The following ANOS1 variants were observed in gnomAD, a reference collection of about 807,000 sequenced individuals.
ANOS1 encodes anosmin 1, also known as anosmin-1.
A neutral mutation model predicts 59.0 loss-of-function variants in ANOS1; 6 were observed. The ratio of observed to expected loss-of-function variants is 0.10; its 90% CI spans 0.06 to 0.20. ANOS1 has a LOEUF of 0.20. Among genes scored for constraint, ANOS1 ranks in the 10% least tolerant of loss-of-function variants. The pLI, the probability that ANOS1 is intolerant of heterozygous loss-of-function variation, is 1.00. For synonymous variants in ANOS1, 217 were observed against 223.4 expected, an observed-to-expected ratio of 0.97 and a Z score of 0.25; for missense variants, 433 against 542.3, an observed-to-expected ratio of 0.80 and a Z score of 2.00.
At chrX:8,683,897 G>A (rs757408922) in intron 2 of ANOS1, among the ~76,000 whole-genome samples, 3 of 111,567 alleles carry the variant, frequency 2.7e-5, no homozygotes, top group Non-Finnish European at 3.8e-5. Context: ...GTTTCAGCAC[G>A]GTGCACGCAA....
chrX:8,694,267 C>T (rs1932651048), intron 2 of ANOS1, among the ~76,000 whole-genome samples: 1 of 111,879 alleles, frequency 8.9e-6, no homozygotes, highest in African/African-American at 3.3e-5. Flanking sequence ...AATAAAAGGG[C>T]TGAACAGCCA....
intron 2 of ANOS1, among the ~76,000 whole-genome samples, chrX:8,626,152 T>G: frequency 1.0e-5 from 1 of 98,090 alleles, no homozygotes; most frequent in African/African-American, 3.7e-5. Flanking sequence ...TGCCACCAAA[T>G]TTGATGTTTG....
intron 8 of ANOS1, chrX:8,566,219 G>C: frequency 1.3e-6 from 1 of 749,581 alleles, no homozygotes; most frequent in Non-Finnish European, 1.6e-6. Flanking sequence ...CTGTCTGTAT[G>C]CAACACACAG....
intron 3 of ANOS1, among the ~76,000 whole-genome samples, chrX:8,604,513 A>G (rs1174581292): frequency 8.9e-6 from 1 of 112,218 alleles, no homozygotes; most frequent in Non-Finnish European, 1.9e-5. Context: ...GGTGATTTCA[A>G]ATTTCTTTCT....
chrX:8,699,529 A>G (rs758507509), intron 2 of ANOS1, among the ~76,000 whole-genome samples, 169 bp downstream of exon 2: 48 of 112,336 alleles, frequency 4.3e-4, no homozygotes, highest in African/African-American at 1.3e-3. Flanking sequence ...CATTGCATGC[A>G]TATCAATTTT....
intron 2 of ANOS1, among the ~76,000 whole-genome samples, chrX:8,674,847 T>C (rs757185740): frequency 8.9e-6 from 1 of 112,002 alleles, no homozygotes; most frequent in Non-Finnish European, 1.9e-5. Flanking sequence ...ACCCCTAAAA[T>C]GTGGGGGACC....
chrX:8,644,142 G>T (rs1001645894), intron 2 of ANOS1, among the ~76,000 whole-genome samples: 1 of 111,538 alleles, frequency 9.0e-6, no homozygotes, highest in African/African-American at 3.3e-5. Flanking sequence ...GACTCTTTTC[G>T]TCGACATACT....
chrX:8,567,042 C>T (rs1299170116), intron 8 of ANOS1, among the ~76,000 whole-genome samples: 4 of 111,991 alleles, frequency 3.6e-5, no homozygotes, highest in Non-Finnish European at 7.5e-5. Context: ...AACGCCTCCT[C>T]CCTCCTACTC....
chrX:8,657,489 T>TA (rs1381854988), intron 2 of ANOS1, among the ~76,000 whole-genome samples: 1 of 103,705 alleles, frequency 9.6e-6, no homozygotes, highest in Non-Finnish European at 2.0e-5. Context: ...TTTTTTTTTT[T>TA]ACGGAGTCTT....
chrX:8,658,592 C>T (rs946747347), intron 2 of ANOS1, among the ~76,000 whole-genome samples: 38 of 112,283 alleles, frequency 3.4e-4, no homozygotes, highest in Non-Finnish European at 5.4e-4. Context: ...TACTTGCTCT[C>T]AGGAGCAGTC....
intron 2 of ANOS1, among the ~76,000 whole-genome samples, chrX:8,624,011 CTTTTTTTTT>C (rs566769185): frequency 1.4e-5 from 1 of 69,413 alleles, no homozygotes; most frequent in African/African-American, 5.3e-5. Flanking sequence ...CTTTTCTTTT[CTTTTTTTTT>C]TTTTTTTTTT....
intron 2 of ANOS1, among the ~76,000 whole-genome samples, chrX:8,664,967 T>A (rs1230414546): frequency 8.9e-6 from 1 of 111,822 alleles, no homozygotes; most frequent in Non-Finnish European, 1.9e-5. Context: ...GGCTCTCTTG[T>A]GAACACTGTA....
At chrX:8,555,441 G>C (rs780677758) in intron 8 of ANOS1, among the ~76,000 whole-genome samples, 1 of 111,421 alleles carries the variant, frequency 9.0e-6, no homozygotes, top group East Asian at 2.8e-4. Context: ...GAATCCAGAA[G>C]CTGGTTTTTT....
At chrX:8,614,619 T>C (rs1471138428) in intron 3 of ANOS1, among the ~76,000 whole-genome samples, 1 of 111,496 alleles carries the variant, frequency 9.0e-6, no homozygotes, top group Non-Finnish European at 1.9e-5. Flanking sequence ...ATGTGTGTTA[T>C]CTTCAGATAC....
chrX:8,639,913 T>TAAAAAA (rs1410414490), intron 2 of ANOS1, among the ~76,000 whole-genome samples: 2 of 111,141 alleles, frequency 1.8e-5, no homozygotes, highest in Non-Finnish European at 3.8e-5. Flanking sequence ...AAAAGACTCC[T>TAAAAAA]GATCACTGCC....
intron 2 of ANOS1, among the ~76,000 whole-genome samples, chrX:8,695,478 T>C (rs1046030439): frequency 2.1e-4 from 24 of 111,677 alleles, no homozygotes; most frequent in African/African-American, 7.8e-4. Context: ...AAAAATCACC[T>C]TAACGGAGGA....
intron 6 of ANOS1, among the ~76,000 whole-genome samples, chrX:8,580,116 G>C (rs966558245): frequency 1.8e-5 from 2 of 112,166 alleles, no homozygotes; most frequent in Non-Finnish European, 3.8e-5. Flanking sequence ...GAGGTTTCAT[G>C]TTGTTTGTTC....
chrX:8,577,197 C>T (rs1930343985), intron 6 of ANOS1, among the ~76,000 whole-genome samples: 3 of 112,024 alleles, frequency 2.7e-5, no homozygotes, highest in Non-Finnish European at 5.6e-5. Flanking sequence ...ATTTTACAAA[C>T]ATACAGCTGC....
intron 2 of ANOS1, among the ~76,000 whole-genome samples, chrX:8,671,862 T>C (rs1932260983): frequency 9.0e-6 from 1 of 110,859 alleles, no homozygotes; most frequent in African/African-American, 3.3e-5. Flanking sequence ...ATGTACACAT[T>C]GTGGAATAGT....
Sources: gnomAD v4.1 joint callset for allele counts (sites outside exome capture counted in the v4.1 genomes callset) on GRCh38, gnomAD v4.1.1 for gene constraint, MANE v1.5 for transcripts, NCBI Gene and HGNC (gene_info 2026-07-23, HGNC 2026-07-21) for gene names.